DSG3: variants seen among roughly 807,000 people sequenced by gnomAD.
The protein encoded by DSG3 is desmoglein 3.
Under a neutral mutation model 85.9 loss-of-function variants are expected in DSG3, and 63 were observed. The ratio of observed to expected loss-of-function variants is 0.73; its 90% CI spans 0.60 to 0.90. The LOEUF is 0.90. DSG3 is among the 40% of genes least tolerant of loss of function. DSG3 has a pLI of 0.00. For synonymous variants in DSG3, 447 were observed against 441.9 expected, an observed-to-expected ratio of 1.01 and a Z score of -0.14; for missense variants, 1,220 against 1,219.9, an observed-to-expected ratio of 1.00 and a Z score of 0.00.
chr18:31,476,152 G>T lies in DSG3; in HGVS notation c.2892G>T (p.Arg964Ser). The T allele has an allele frequency of 1.9e-6, 3 of 1,614,188 alleles. No individual in the cohort carries two copies. Among genetic ancestry groups the T allele is most frequent in the Non-Finnish European group, 1.7e-6 (2 of 1,180,034 alleles). Residue 964 changes from arginine (R) to serine (S), a missense_variant, in exon 16 of 16, where the codon AGG (arginine) becomes AGT (serine). Coordinates refer to ENST00000257189, the MANE Select transcript of DSG3 (RefSeq NM_001944.3). ...LLTQNVIVTE[R>S]VICPISSVPG... ...CACAAAATGTGATAGTGACAGAAAG[G>T]GTGATCTGTCCCATTTCCAGTGTTC... is the stretch of plus-strand genomic sequence containing the variant.
At chr18:31,454,188 G>A (rs2072727908) in intron 1 of DSG3, among the ~76,000 whole-genome samples, 1 of 152,072 alleles carries the variant, frequency 6.6e-6, no homozygotes, top group African/African-American at 2.4e-5. Flanking sequence ...ATTCTCTGTA[G>A]GGCTAGTCCA....
chr18:31,450,071 G>A (rs780225922), intron 1 of DSG3, among the ~76,000 whole-genome samples: 6 of 152,202 alleles, frequency 3.9e-5, no homozygotes, highest in Admixed American at 6.5e-5. Flanking sequence ...CGTTTTAAAT[G>A]TGACTAAATT....
rs1473338676 is a variant in DSG3 at position 31,464,344 on chromosome 18, C to T, written c.1233C>T (p.Ala411=). The change falls in exon 9 of 16, where the codon GCC becomes GCT. Residue 411 remains alanine (A), a synonymous_variant. Transcript: ENST00000257189. ...ATTATATCCTGGGAACATATCAAGCCATCGATGAGGACACTAACAAAGCTG... is the reference window on the plus strand; with the variant it reads ...ATTATATCCTGGGAACATATCAAGCTATCGATGAGGACACTAACAAAGCTG... The part of the protein sequence containing the change: ...LVDYILGTYQ[A]IDEDTNKAAS... The T allele has an allele frequency of 1.2e-6, 2 of 1,613,776 alleles. No homozygotes were observed. Among genetic ancestry groups the T allele is most frequent in the Non-Finnish European group, 1.7e-6 (2 of 1,179,946 alleles).
rs1447272550 is a variant in DSG3 at position 31,461,307 on chromosome 18, A to C, written c.894A>C (p.Thr298=). 4 of 1,613,440 alleles carry C rather than the reference A, an allele frequency of 2.5e-6. No individual in the cohort carries two copies. Among genetic ancestry groups the C allele is most frequent in the Non-Finnish European group, 3.4e-6 (4 of 1,179,644 alleles). The change falls in exon 8 of 16, where the codon ACA becomes ACC. Residue 298 remains threonine (T), a synonymous_variant. Transcript: ENST00000257189. Reference sequence around the variant, plus strand: ...TAACAGATTTGGATGAAGAGTACACAGATAATTGGCTTGCAGTATATTTCT... The same window carrying C: ...TAACAGATTTGGATGAAGAGTACACCGATAATTGGCTTGCAGTATATTTCT... The part of the protein sequence containing the change: ...FQVTDLDEEY[T]DNWLAVYFFT...
intron 2 of DSG3, 146 bp downstream of exon 2, chr18:31,456,621 C>T: frequency 6.9e-6 from 3 of 434,478 alleles, no homozygotes; most frequent in Non-Finnish European, 1.2e-5. Flanking sequence ...ATTCTAATAA[C>T]TGATAACAAT....
intron 12 of DSG3, among the ~76,000 whole-genome samples, chr18:31,470,623 C>A (rs2072849838): frequency 6.6e-6 from 1 of 152,088 alleles, no homozygotes; most frequent in South Asian, 2.1e-4. Context: ...GGTTTTCATG[C>A]ATGTCTAACT....
At position 31,460,793 on chromosome 18, in the gene DSG3, T is replaced by A. The variant is rs3737364; in HGVS notation, c.685-40T>A. On this transcript the variant is annotated intron_variant, in intron 6 of 15. Transcript: ENST00000257189. ...CAAGTAGTTTCCATTTATAATTCTT[T>A]GGGATTAATTATTTTTCTTTATTTT... The A allele has an allele frequency of 0.13, 196,616 of 1,512,298 alleles. 13,466 individuals are homozygous for A. Among genetic ancestry groups the A allele is most frequent in the African/African-American group, 0.21 (14,267 of 68,448 alleles). 93.7% of individuals were successfully genotyped at this position (1,512,298 alleles called of 1,614,324 possible). A position where few individuals can be genotyped will look rare whatever the true frequency, so the allele number is the denominator to read the frequency against.
chr18:31,453,464 C>T (rs570385586), intron 1 of DSG3, among the ~76,000 whole-genome samples: 1 of 152,184 alleles, frequency 6.6e-6, no homozygotes, highest in Non-Finnish European at 1.5e-5. Context: ...ATCTAGCTAC[C>T]CATATCCTCA....
At position 31,461,345 on chromosome 18, in the gene DSG3, A is replaced by G. The variant is rs753861110; in HGVS notation, c.932A>G (p.Asn311Ser). Residue 311 changes from asparagine to serine, a missense_variant, in exon 8 of 16, where the codon AAT becomes AGT. By Grantham distance (46) the Asn-to-Ser change is conservative (BLOSUM62 1). Coordinates refer to ENST00000257189, the MANE Select transcript of DSG3 (RefSeq NM_001944.3). Reference sequence around the variant, plus strand: ...GCAGTATATTTCTTTACCTCTGGGAATGAAGGAAATTGGTTTGAAATACAA... The same window carrying G: ...GCAGTATATTTCTTTACCTCTGGGAGTGAAGGAAATTGGTTTGAAATACAA... The part of the protein sequence containing the change: ...WLAVYFFTSG[N>S]EGNWFEIQTD... The G allele has an allele frequency of 6.2e-7, 1 of 1,613,836 alleles. No homozygotes were observed. The highest frequency in any genetic ancestry group is 8.5e-7 in the Non-Finnish European group (1 of 1,179,846).
In DSG3 at chr18:31,461,522, A is replaced by G; in HGVS notation, c.999+110A>G. On this transcript the variant is annotated intron_variant, in intron 8 of 15. Coordinates refer to ENST00000257189, the MANE Select transcript of DSG3 (RefSeq NM_001944.3). ...TTAATATCACTTTATTACAGAAAAC[A>G]CATAAAAGTAGATTGAATTTTTTGT... The G allele has an allele frequency of 8.4e-6, 9 of 1,067,416 alleles. No homozygotes were observed. In the South Asian group the frequency reaches 1.4e-4, roughly 17 times the overall value. 66.1% of individuals were successfully genotyped at this position (1,067,416 alleles called of 1,614,324 possible).
In DSG3 at chr18:31,456,976, A is replaced by G; in HGVS notation, c.85-17A>G. ...GCCATTAATTTCCATAACAAATGGA[A>G]TCCCTTTTTACATAAGACTAAAGGT... is the stretch of plus-strand genomic sequence containing the variant. On this transcript the variant is annotated splice_polypyrimidine_tract_variant and intron_variant, in intron 2 of 15. Coordinates refer to ENST00000257189, the MANE Select transcript of DSG3 (RefSeq NM_001944.3). 1 of 1,582,868 alleles carries G rather than the reference A, an allele frequency of 6.3e-7. No individual in the cohort carries two copies.
At chr18:31,472,221 T>C in intron 12 of DSG3, 63 bp from the exon 13 acceptor site, 5 of 1,601,998 alleles carry the variant, frequency 3.1e-6, no homozygotes, top group Non-Finnish European at 4.3e-6. Context: ...TCTGAAAAAT[T>C]ATCACATTAA....
At chr18:31,457,192 CG>C (rs1279633123) in intron 3 of DSG3, 68 bp downstream of exon 3, 5 of 1,479,842 alleles carry the variant, frequency 3.4e-6, no homozygotes, top group Non-Finnish European at 3.6e-6. Context: ...TAAAATAATA[CG>C]GCAATTCCAA....
At chr18:31,453,908 C>A (rs1051267760) in intron 1 of DSG3, among the ~76,000 whole-genome samples, 1 of 151,886 alleles carries the variant, frequency 6.6e-6, no homozygotes, top group Non-Finnish European at 1.5e-5. Flanking sequence ...TAAATATATA[C>A]AATTTTGTCA....
At chr18:31,464,481 T>G in intron 9 of DSG3, 99 bp downstream of exon 9, 1 of 1,295,520 alleles carries the variant, frequency 7.7e-7, no homozygotes, top group Non-Finnish European at 1.0e-6. Context: ...AGAATAGAGA[T>G]ATGACATTGA....
At chr18:31,460,789 T>A (rs1483645004) in intron 6 of DSG3, 44 bp from the exon 7 acceptor site, 1 of 1,505,998 alleles carries the variant, frequency 6.6e-7, no homozygotes, top group African/African-American at 1.5e-5. Context: ...CATTTATAAT[T>A]CTTTGGGATT....
In DSG3 at chr18:31,464,217, C is replaced by T. The variant is rs1210356002; in HGVS notation, c.1106C>T (p.Pro369Leu). 6.2e-7 allele frequency: 1 copy of T among 1,614,138 alleles called. No homozygotes were observed. Among genetic ancestry groups the T allele is most frequent in the Admixed American group, 1.7e-5 (1 of 60,022 alleles). The change falls in exon 9 of 16, where the codon CCA (proline) becomes CTA (leucine). Residue 369 changes from proline to leucine, a missense_variant. Physicochemically the swap from Pro to Leu is moderately conservative, Grantham distance 98 (BLOSUM62 -3). Transcript: ENST00000257189. ...VISRYRVQST[P>L]VTIQVINVRE... ...TCTCGATACCGAGTTCAGTCAACCC[C>T]AGTCACAATTCAGGTAATAAATGTA... is the stretch of plus-strand genomic sequence containing the variant.
chr18:31,476,276 A>C lies in DSG3; in HGVS notation c.*16A>C, dbSNP rs755913410. On this transcript the variant is annotated 3_prime_UTR_variant, in exon 16 of 16. Transcript: ENST00000257189. ...TCTAATATGACCAGAATGAGCTGGA[A>C]TACCACACTGACCAAATCTGGATCT... The C allele has an allele frequency of 6.3e-7, 1 of 1,588,620 alleles. No homozygotes were observed. Among genetic ancestry groups the C allele is most frequent in the Middle Eastern group, 1.7e-4 (1 of 5,830 alleles).
chr18:31,458,648 T>C, intron 4 of DSG3, 48 bp downstream of exon 4: 1 of 1,571,438 alleles, frequency 6.4e-7, no homozygotes, highest in African/African-American at 1.4e-5. Context: ...TTGTATACCA[T>C]CGCTTTAGAA....
Sources: allele counts gnomAD v4.1 joint callset (sites outside exome capture counted in the v4.1 genomes callset), GRCh38; gene constraint gnomAD v4.1.1; transcripts MANE v1.5; gene names NCBI Gene and HGNC (gene_info 2026-07-23, HGNC 2026-07-21).